Variants in DTNBP1 observed in about 807,000 individuals in gnomAD.
DTNBP1 encodes the protein dystrobrevin binding protein 1.
Under a neutral mutation model 42.8 loss-of-function variants are expected in DTNBP1, and 35 were observed. That is an observed-to-expected ratio of 0.82 (90% CI 0.63 to 1.09). DTNBP1 has a LOEUF of 1.09. Ranked by LOEUF, DTNBP1 falls within the 50% of genes least tolerant of loss-of-function variation. DTNBP1 has a pLI of 0.00. For synonymous variants in DTNBP1, 171 were observed against 162.2 expected (o/e 1.05, Z -0.41); for missense variants, 457 against 424.2 (o/e 1.08, Z -0.68).
In DTNBP1 at chr6:15,647,346, AT is replaced by A; in HGVS notation, c.161+3966del. Among the ~76,000 whole-genome samples, 2 of 152,040 alleles carry A rather than the reference AT, an allele frequency of 1.3e-5. 1 individual carries two copies. The highest frequency in any genetic ancestry group is 4.2e-4 in the South Asian group (2 of 4,818). On this transcript the variant is annotated intron_variant, in intron 3 of 9. Transcript: ENST00000344537. ...ATGTGAAAAATGATACATGAACAAA[AT>A]GGTAACATCAATACCACTACCGTTT...
chr6:15,658,890 A>G (rs1761431391), intron 1 of DTNBP1, among the ~76,000 whole-genome samples: 1 of 152,248 alleles, frequency 6.6e-6, no homozygotes, highest in Non-Finnish European at 1.5e-5. Flanking sequence ...CTCAGAACCA[A>G]TCCTCTTCAG....
rs114703839 is a variant in DTNBP1, at chr6:15,640,130, G to C, written c.162-2326C>G. 6.4e-3 allele frequency among the ~76,000 whole-genome samples: 981 copies of C among 152,242 alleles called. 11 individuals are homozygous for C. Among genetic ancestry groups the C allele is most frequent in the African/African-American group, 0.023 (939 of 41,546 alleles). ...TACTTTTACGACATGAAGCAGTTTG[G>C]AGAAAGGCACTAAATCCATTACAAT... On this transcript the variant is annotated intron_variant, in intron 3 of 9. Transcript: ENST00000344537.
intron 7 of DTNBP1, among the ~76,000 whole-genome samples, chr6:15,543,848 T>C (rs540514767): frequency 2.6e-5 from 4 of 152,248 alleles, no homozygotes; most frequent in East Asian, 1.9e-4. Flanking sequence ...AAAGAGACAA[T>C]TGGAATTAGC....
At chr6:15,627,159 T>C (rs945652118) in intron 5 of DTNBP1, among the ~76,000 whole-genome samples, 184 bp downstream of exon 5, 3 of 152,148 alleles carry the variant, frequency 2.0e-5, no homozygotes, top group Non-Finnish European at 4.4e-5. Context: ...ACAGAACTAA[T>C]TTCTACACTT....
intron 7 of DTNBP1, chr6:15,579,749 G>A: frequency 5.1e-6 from 2 of 392,682 alleles, no homozygotes; most frequent in Admixed American, 2.6e-5. Context: ...AGGTTGTGGT[G>A]AGCTGAGATC....
intron 4 of DTNBP1, among the ~76,000 whole-genome samples, chr6:15,628,326 C>T (rs140011561): frequency 4.2e-4 from 64 of 151,384 alleles, no homozygotes; most frequent in African/African-American, 1.3e-3. Flanking sequence ...GGTAACAAAA[C>T]CCATTATATG....
chr6:15,635,642 G>A lies in DTNBP1; in HGVS notation c.222+2102C>T, dbSNP rs1324058541. Reference sequence around the variant, plus strand: ...GCAATTTTACAGATAAAAATTCATCGAATATTGGCAATCTCACCTGGTTCA... The same window carrying A: ...GCAATTTTACAGATAAAAATTCATCAAATATTGGCAATCTCACCTGGTTCA... On this transcript the variant is annotated intron_variant, in intron 4 of 9. Coordinates refer to ENST00000344537, the MANE Select transcript of DTNBP1 (RefSeq NM_032122.5). 2.0e-5 allele frequency among the ~76,000 whole-genome samples: 3 copies of A among 152,068 alleles called. 1 individual carries two copies. Among genetic ancestry groups the A allele is most frequent in the Non-Finnish European group, 4.4e-5 (3 of 68,032 alleles).
chr6:15,542,076 T>A (rs573172482), intron 7 of DTNBP1, among the ~76,000 whole-genome samples: 1 of 152,294 alleles, frequency 6.6e-6, no homozygotes, highest in African/African-American at 2.4e-5. Flanking sequence ...TAGAGATAAA[T>A]AAGACTAAGA....
chr6:15,597,576 A>G (rs2113643126), intron 6 of DTNBP1, among the ~76,000 whole-genome samples: 1 of 152,344 alleles, frequency 6.6e-6, no homozygotes, highest in Non-Finnish European at 1.5e-5. Context: ...TTGACATCCA[A>G]TCAGTGATCT....
intron 7 of DTNBP1, among the ~76,000 whole-genome samples, chr6:15,556,370 C>T (rs1481237422): frequency 2.6e-5 from 4 of 151,902 alleles, no homozygotes; most frequent in Admixed American, 6.6e-5. Context: ...TTAGTAGAGA[C>T]GGGGTTTCAC....
intron 7 of DTNBP1, among the ~76,000 whole-genome samples, chr6:15,572,458 A>C (rs2113531048): frequency 6.6e-6 from 1 of 152,362 alleles, no homozygotes; most frequent in South Asian, 2.1e-4. Flanking sequence ...ATATATTACA[A>C]GACAAGAAAC....
intron 8 of DTNBP1, among the ~76,000 whole-genome samples, chr6:15,526,146 G>A (rs990306247): frequency 3.3e-4 from 50 of 152,206 alleles, no homozygotes; most frequent in Non-Finnish European, 4.0e-4. Flanking sequence ...ATTAGGTATC[G>A]TTTAAGATCC....
intron 6 of DTNBP1, among the ~76,000 whole-genome samples, chr6:15,599,824 T>G (rs112708716): frequency 2.0e-4 from 31 of 152,222 alleles, no homozygotes; most frequent in African/African-American, 7.2e-4. Flanking sequence ...ATTTAAATTT[T>G]TATTACAAAT....
intron 7 of DTNBP1, among the ~76,000 whole-genome samples, chr6:15,592,136 C>T (rs1776325418): frequency 6.6e-6 from 1 of 152,160 alleles, no homozygotes; most frequent in Non-Finnish European, 1.5e-5. Context: ...GAGAATTTGT[C>T]ATTTTTTCTA....
intron 7 of DTNBP1, among the ~76,000 whole-genome samples, chr6:15,557,454 G>A (rs1404658668): frequency 5.9e-5 from 9 of 152,036 alleles, no homozygotes; most frequent in African/African-American, 2.2e-4. Context: ...AAGCACTGCA[G>A]GGTTTTCTTA....
chr6:15,651,822 C>T (rs945241677), intron 2 of DTNBP1, among the ~76,000 whole-genome samples: 2 of 152,098 alleles, frequency 1.3e-5, no homozygotes, highest in African/African-American at 2.4e-5. Flanking sequence ...TGCTCTTATA[C>T]AAATTAAAAA....
intron 7 of DTNBP1, among the ~76,000 whole-genome samples, chr6:15,541,974 A>T (rs535711215): frequency 3.9e-5 from 6 of 152,334 alleles, no homozygotes; most frequent in African/African-American, 1.4e-4. Context: ...TTAAGAGTTC[A>T]AAATGTTAAA....
intron 7 of DTNBP1, among the ~76,000 whole-genome samples, chr6:15,574,072 C>T (rs1026461259): frequency 6.6e-6 from 1 of 152,170 alleles, no homozygotes; most frequent in African/African-American, 2.4e-5. Flanking sequence ...GATCATGTCT[C>T]GGGAGATGCT....
intron 7 of DTNBP1, among the ~76,000 whole-genome samples, chr6:15,536,071 G>C (rs187599155): frequency 7.9e-5 from 12 of 152,332 alleles, no homozygotes; most frequent in African/African-American, 2.6e-4. Context: ...TATTCTGAAA[G>C]CTTTCAGTTT....
Sources: gnomAD v4.1 joint callset for allele counts (sites outside exome capture counted in the v4.1 genomes callset) on GRCh38, gnomAD v4.1.1 for gene constraint, MANE v1.5 for transcripts, NCBI Gene and HGNC (gene_info 2026-07-23, HGNC 2026-07-21) for gene names.